Variants in CEP63 observed in about 807,000 individuals in gnomAD.
CEP63 encodes centrosomal protein of 63 kDa.
CEP63 carries 84 observed loss-of-function variants against 89.1 expected under a neutral mutation model. The observed-to-expected ratio is 0.94, with a 90% CI of 0.79 to 1.13. CEP63 has a LOEUF of 1.13. Among genes scored for constraint, CEP63 ranks in the 50% most tolerant of loss-of-function variants. The probability of loss-of-function intolerance (pLI) is 0.00; values close to 1 mark genes in which losing one functional copy is unlikely to be tolerated. For synonymous variants in CEP63, 267 were observed against 272.5 expected, an observed-to-expected ratio of 0.98 and a Z score of 0.20; for missense variants, 838 against 813.3, an observed-to-expected ratio of 1.03 and a Z score of -0.37.
downstream of CEP63, among the ~76,000 whole-genome samples, chr3:134,567,234 G>T (rs1003801467): frequency 6.7e-6 from 1 of 149,114 alleles, no homozygotes; most frequent in African/African-American, 2.4e-5. Context: ...ATAGAAAATA[G>T]ATTGGTAGTT....
intron 13 of CEP63, among the ~76,000 whole-genome samples, chr3:134,558,831 A>T (rs1277863990): frequency 6.6e-6 from 1 of 152,072 alleles, no homozygotes; most frequent in Non-Finnish European, 1.5e-5. Flanking sequence ...CACCCACCCA[A>T]TCCCCTAGTT....
the CEP63 span, among the ~76,000 whole-genome samples, chr3:134,697,071 T>G: frequency 6.6e-6 from 1 of 151,962 alleles, no homozygotes; most frequent in East Asian, 1.9e-4. Flanking sequence ...CAGGGGTGAG[T>G]GATTGGTCTG....
chr3:134,616,248 G>C, the CEP63 span, among the ~76,000 whole-genome samples: 1 of 152,164 alleles, frequency 6.6e-6, no homozygotes, highest in African/African-American at 2.4e-5. Flanking sequence ...CAGTGACTTG[G>C]GACAGACAGA....
chr3:134,567,826 G>A (rs1265899581), downstream of CEP63, among the ~76,000 whole-genome samples: 2 of 152,236 alleles, frequency 1.3e-5, no homozygotes, highest in Non-Finnish European at 2.9e-5. Flanking sequence ...TCTTGGCTAA[G>A]TGTATTCTAA....
At chr3:134,516,619 C>T (rs2108652134) in intron 3 of CEP63, among the ~76,000 whole-genome samples, 1 of 152,294 alleles carries the variant, frequency 6.6e-6, no homozygotes, top group South Asian at 2.1e-4. Context: ...TCCCTGGGTA[C>T]TTGAGATTAG....
chr3:134,549,214 T>C, intron 10 of CEP63, 38 bp downstream of exon 10: 1 of 1,261,760 alleles, frequency 7.9e-7, no homozygotes, highest in Non-Finnish European at 1.2e-6. Context: ...AAATTGTATG[T>C]GTTTATGGAC....
chr3:134,609,430 G>C, the CEP63 span, among the ~76,000 whole-genome samples: 37 of 152,168 alleles, frequency 2.4e-4, no homozygotes, highest in Non-Finnish European at 4.9e-4. Context: ...GTGAGTACGC[G>C]AGCCCTGCGT....
chr3:134,749,755 TA>T, the CEP63 span, among the ~76,000 whole-genome samples: 4 of 80,530 alleles, frequency 5.0e-5, no homozygotes, highest in South Asian at 1.7e-3. Context: ...GCAAGGAAGG[TA>T]AAGTGGGATG....
chr3:134,779,483 A>G, the CEP63 span, among the ~76,000 whole-genome samples: 1 of 152,218 alleles, frequency 6.6e-6, no homozygotes, highest in South Asian at 2.1e-4. Flanking sequence ...AGGTATTCCC[A>G]GCCGTGAAAT....
chr3:134,686,219 C>A, the CEP63 span, among the ~76,000 whole-genome samples: 1 of 152,214 alleles, frequency 6.6e-6, no homozygotes, highest in Non-Finnish European at 1.5e-5. Context: ...GATAATCCCC[C>A]AAACTGACAG....
chr3:134,547,468 G>A lies in CEP63; in HGVS notation c.1063G>A (p.Gly355Ser), dbSNP rs746490103. The change falls in exon 9 of 15, where the codon GGC becomes AGC. Residue 355 changes from glycine to serine, a missense_variant. Physicochemically the swap from Gly to Ser is moderately conservative, Grantham distance 56. Coordinates refer to ENST00000675561, the MANE Select transcript of CEP63 (RefSeq NM_001353108.3). ...GCAGGCAGAGGTGACTTGTCTTGAA[G>A]GCAGGTACATAATTATACACACATT... ...LLQAEVTCLE[G>S]SLESVSATCK... The A allele has an allele frequency of 6.2e-7, 1 of 1,613,414 alleles. No individual in the cohort carries two copies. The highest frequency in any genetic ancestry group is 2.2e-5 in the East Asian group (1 of 44,868).
chr3:134,518,552 G>A (rs1359679545), intron 3 of CEP63, among the ~76,000 whole-genome samples: 1 of 152,082 alleles, frequency 6.6e-6, no homozygotes, highest in Non-Finnish European at 1.5e-5. Flanking sequence ...TGAATCAAAA[G>A]AAATCAAAAT....
chr3:134,604,030 A>T, the CEP63 span: 3 of 1,614,016 alleles, frequency 1.9e-6, no homozygotes, highest in Non-Finnish European at 2.5e-6. Flanking sequence ...CAGCTGGAAG[A>T]TGTAGCGCCG....
the CEP63 span, among the ~76,000 whole-genome samples, chr3:134,734,656 C>T: frequency 6.6e-6 from 1 of 152,098 alleles, no homozygotes; most frequent in Non-Finnish European, 1.5e-5. Context: ...CCAATACTGA[C>T]ACAAGAAGAA....
chr3:134,622,633 T>C, the CEP63 span, among the ~76,000 whole-genome samples: 2 of 152,302 alleles, frequency 1.3e-5, no homozygotes, highest in South Asian at 2.1e-4. Context: ...GTGAATATAA[T>C]TAATGCTAGT....
the CEP63 span, among the ~76,000 whole-genome samples, chr3:134,764,986 G>C: frequency 6.6e-6 from 1 of 152,156 alleles, no homozygotes; most frequent in Non-Finnish European, 1.5e-5. Flanking sequence ...TTATATGACA[G>C]TACAGTGGTT....
At chr3:134,489,670 T>G (rs1234044483) in intron 1 of CEP63, among the ~76,000 whole-genome samples, 4 of 152,166 alleles carry the variant, frequency 2.6e-5, no homozygotes, top group Admixed American at 2.6e-4. Flanking sequence ...CTGAGAGTCT[T>G]TTATGAAGAA....
At chr3:134,512,598 G>A (rs894268215) in intron 3 of CEP63, among the ~76,000 whole-genome samples, 5 of 152,070 alleles carry the variant, frequency 3.3e-5, no homozygotes, top group African/African-American at 1.2e-4. Flanking sequence ...CTGAACCTAG[G>A]ATTCTTACTT....
chr3:134,631,540 T>G, the CEP63 span, among the ~76,000 whole-genome samples: 1 of 94,164 alleles, frequency 1.1e-5, no homozygotes, highest in Non-Finnish European at 2.4e-5. Flanking sequence ...TAACATCTGA[T>G]AGGTTTTTGA....
Sources: allele counts gnomAD v4.1 joint callset (sites outside exome capture counted in the v4.1 genomes callset), GRCh38; gene constraint gnomAD v4.1.1; transcripts MANE v1.5; gene names NCBI Gene and HGNC (gene_info 2026-07-23, HGNC 2026-07-21).